TGFBR2: variants seen among roughly 807,000 people sequenced by gnomAD.
TGFBR2 encodes the protein TGF-beta receptor type-2.
Under a neutral mutation model 49.0 loss-of-function variants are expected in TGFBR2, and 18 were observed. That is an observed-to-expected ratio of 0.37 (90% confidence interval 0.25 to 0.54). The LOEUF (loss-of-function observed/expected upper bound fraction) is 0.54, where lower values mean the gene tolerates loss of function less well. TGFBR2 is among the 20% of genes least tolerant of loss of function. TGFBR2 has a pLI of 0.85. For missense variants in TGFBR2, 525 were observed against 722.6 expected (o/e 0.73, Z 3.13); for synonymous variants, 282 against 275.9 (o/e 1.02, Z -0.22).
intron 1 of TGFBR2, among the ~76,000 whole-genome samples, chr3:30,614,382 CT>C (rs1259090871): frequency 1.3e-5 from 2 of 152,062 alleles, no homozygotes; most frequent in East Asian, 3.8e-4. Flanking sequence ...ACATGAATGC[CT>C]TTGAAAGAAG....
intron 5 of TGFBR2, among the ~76,000 whole-genome samples, chr3:30,678,471 C>A (rs1699478963): frequency 6.9e-6 from 1 of 145,188 alleles, no homozygotes; most frequent in Non-Finnish European, 1.5e-5. Context: ...TGGTGTGAAC[C>A]CGGGAGGCAG....
intron 3 of TGFBR2, among the ~76,000 whole-genome samples, chr3:30,662,830 G>T (rs1699159614): frequency 6.6e-6 from 1 of 152,144 alleles, no homozygotes. Context: ...TTTGTAGGAG[G>T]AAAGCATCTC....
chr3:30,672,076 A>C lies in TGFBR2; in HGVS notation c.893A>C (p.Asn298Thr). Reference protein sequence around the residue: ...KTEKDIFSDINLKHENILQFL... With the variant: ...KTEKDIFSDITLKHENILQFL... The stretch of plus-strand genomic sequence containing the variant: ...GAGAAGGACATCTTCTCAGACATCA[A>C]TCTGAAGCATGAGAACATACTCCAG... Residue 298 changes from asparagine (N) to threonine (T), a missense_variant, in exon 4 of 7, where the codon AAT becomes ACT. This residue lies in a region of TGFBR2 where 376 missense variants were observed against 478.2 expected (regional missense o/e 0.79). Coordinates refer to ENST00000295754, the MANE Select transcript of TGFBR2 (RefSeq NM_003242.6). This position sits in a 1 kb window ranked among gnomAD's most constrained non-coding sequence, Gnocchi z 4.5. 1 of 1,614,230 alleles carries C rather than the reference A, an allele frequency of 6.2e-7. No individual in the cohort carries two copies. The highest frequency in any genetic ancestry group is 8.5e-7 in the Non-Finnish European group (1 of 1,180,028).
chr3:30,685,374 A>G (rs79981367), intron 5 of TGFBR2, among the ~76,000 whole-genome samples: 13 of 152,288 alleles, frequency 8.5e-5, no homozygotes, highest in African/African-American at 3.1e-4. Context: ...CACTGAGACA[A>G]AGGCCTAGGG....
chr3:30,668,575 G>A (rs1425838752), intron 3 of TGFBR2, among the ~76,000 whole-genome samples: 1 of 150,596 alleles, frequency 6.6e-6, no homozygotes, highest in Non-Finnish European at 1.5e-5. Flanking sequence ...ATCTCCACAA[G>A]AGCATCTTTT....
At chr3:30,655,433 G>A (rs1698976921) in intron 3 of TGFBR2, among the ~76,000 whole-genome samples, 1 of 152,200 alleles carries the variant, frequency 6.6e-6, no homozygotes, top group Non-Finnish European at 1.5e-5. Flanking sequence ...GGCAAGGGGA[G>A]CATGCTGAGT....
chr3:30,655,040 A>C (rs1698969250), intron 3 of TGFBR2, among the ~76,000 whole-genome samples: 1 of 152,226 alleles, frequency 6.6e-6, no homozygotes, highest in Non-Finnish European at 1.5e-5. Flanking sequence ...ATGTTGGGCC[A>C]GTGACTTGAC....
chr3:30,631,754 A>G (rs1252623559), intron 1 of TGFBR2, among the ~76,000 whole-genome samples: 1 of 151,704 alleles, frequency 6.6e-6, no homozygotes, highest in Admixed American at 6.6e-5. Flanking sequence ...GTCATTTTTC[A>G]AAATGAAAGG....
At position 30,694,022 on chromosome 3, in the gene TGFBR2, AG is replaced by A; in HGVS notation, c.*2424del. Reference sequence around the variant, plus strand: ...TACTCTTTTTATATCAAAAGTCTCAAGCACTTATTTTTATTCTATGCATTGT... The same window carrying A: ...TACTCTTTTTATATCAAAAGTCTCAACACTTATTTTTATTCTATGCATTGT... On this transcript the variant is annotated 3_prime_UTR_variant, in exon 7 of 7. Coordinates refer to ENST00000295754, the MANE Select transcript of TGFBR2 (RefSeq NM_003242.6). 4.3e-6 allele frequency: 1 copy of A among 230,480 alleles called. No individual in the cohort carries two copies. Among genetic ancestry groups the A allele is most frequent in the Non-Finnish European group, 8.6e-6 (1 of 116,034 alleles). 14.3% of individuals were successfully genotyped at this position (230,480 alleles called of 1,614,324 possible).
chr3:30,619,496 G>C (rs1015006915), intron 1 of TGFBR2, among the ~76,000 whole-genome samples: 3 of 152,090 alleles, frequency 2.0e-5, no homozygotes, highest in African/African-American at 7.2e-5. Context: ...TCCTAAGAGA[G>C]TGCCTTGTGC....
intron 1 of TGFBR2, among the ~76,000 whole-genome samples, chr3:30,621,742 T>A (rs779846596): frequency 6.6e-6 from 1 of 152,230 alleles, no homozygotes; most frequent in East Asian, 1.9e-4. Context: ...ACGTTTGTGG[T>A]AAGTAGATAA....
intron 2 of TGFBR2, among the ~76,000 whole-genome samples, chr3:30,647,702 A>T (rs61132534): frequency 2.0e-5 from 3 of 151,696 alleles, no homozygotes; most frequent in South Asian, 4.2e-4. Context: ...ATTGAGAGGG[A>T]GTCTCCCACT....
chr3:30,606,798 C>A lies in TGFBR2; in HGVS notation c.-86C>A. The A allele has an allele frequency of 9.8e-7, 1 of 1,016,656 alleles. No individual in the cohort carries two copies. Among genetic ancestry groups the A allele is most frequent in the Non-Finnish European group, 1.3e-6 (1 of 771,102 alleles). 63.0% of individuals were successfully genotyped at this position (1,016,656 alleles called of 1,614,324 possible). A position where few individuals can be genotyped will look rare whatever the true frequency, so the allele number is the denominator to read the frequency against. ...GGCCCGGCGCGGGGTCCGGAGAGGG[C>A]GCGGCGCGGAGGCGCAGCCAGGGGT... On this transcript the variant is annotated 5_prime_UTR_variant, in exon 1 of 7. Coordinates refer to ENST00000295754, the MANE Select transcript of TGFBR2 (RefSeq NM_003242.6).
At chr3:30,636,360 G>A (rs1341284528) in intron 1 of TGFBR2, among the ~76,000 whole-genome samples, 6 of 152,076 alleles carry the variant, frequency 3.9e-5, no homozygotes, top group African/African-American at 1.2e-4. Flanking sequence ...GCATGAAAAG[G>A]AAAATTGATG....
chr3:30,637,910 A>G (rs889803171), intron 1 of TGFBR2, among the ~76,000 whole-genome samples: 1 of 152,254 alleles, frequency 6.6e-6, no homozygotes, highest in Non-Finnish European at 1.5e-5. Flanking sequence ...TGATATCAAT[A>G]ACATGTACTC....
chr3:30,631,931 A>G (rs1395639358), intron 1 of TGFBR2, among the ~76,000 whole-genome samples: 1 of 152,106 alleles, frequency 6.6e-6, no homozygotes, highest in Admixed American at 6.5e-5. Flanking sequence ...CTCCTCCAGT[A>G]GAAGTCATAT....
rs146162403 is a variant in TGFBR2 at position 30,657,611 on chromosome 3, G to A, written c.454+7151G>A. 6.0e-3 allele frequency among the ~76,000 whole-genome samples: 913 copies of A among 152,222 alleles called. 10 individuals carry two copies. The highest frequency in any genetic ancestry group is 0.021 in the African/African-American group (868 of 41,520). Reference sequence around the variant, plus strand: ...TGTATTTATTTATGTAGAGAACTTGGCACGGCACCTGGCACAGAGTGAGCA... The same window carrying A: ...TGTATTTATTTATGTAGAGAACTTGACACGGCACCTGGCACAGAGTGAGCA... On this transcript the variant is annotated intron_variant, in intron 3 of 6. Transcript: ENST00000295754.
intron 1 of TGFBR2, among the ~76,000 whole-genome samples, chr3:30,618,285 A>G (rs912294226): frequency 6.8e-6 from 1 of 146,248 alleles, no homozygotes; most frequent in Non-Finnish European, 1.5e-5. Flanking sequence ...GCTGGTGTAC[A>G]GTGGCGCAAT....
intron 1 of TGFBR2, among the ~76,000 whole-genome samples, chr3:30,644,249 A>T (rs909688220): frequency 5.9e-5 from 9 of 151,830 alleles, no homozygotes; most frequent in Non-Finnish European, 1.3e-4. Flanking sequence ...GCACTTCATG[A>T]CTCTGTGAGG....
Sources: gnomAD v4.1 joint callset for allele counts (sites outside exome capture counted in the v4.1 genomes callset) on GRCh38, gnomAD v4.1.1 for gene constraint, gnomAD v4.1.1 regional missense constraint, Gnocchi (gnomAD v3.1) non-coding constraint, MANE v1.5 for transcripts, NCBI Gene and HGNC (gene_info 2026-07-23, HGNC 2026-07-21) for gene names.